Variants in CAMK2B observed in about 807,000 individuals in gnomAD.
CAMK2B encodes calcium/calmodulin-dependent protein kinase type II subunit beta.
In CAMK2B, 27 loss-of-function variants were observed where a neutral mutation model predicts 93.7. That is an observed-to-expected ratio of 0.29 (90% CI 0.21 to 0.40). CAMK2B has a LOEUF of 0.40. Among genes scored for constraint, CAMK2B ranks in the 10% least tolerant of loss-of-function variants. CAMK2B has a pLI of 1.00. For missense variants in CAMK2B, 568 were observed against 895.8 expected (o/e 0.63, Z 4.67); for synonymous variants, 374 against 358.8 (o/e 1.04, Z -0.48).
chr7:44,307,479 G>A (rs1194096318), intron 1 of CAMK2B, among the ~76,000 whole-genome samples: 1 of 151,918 alleles, frequency 6.6e-6, no homozygotes, highest in Non-Finnish European at 1.5e-5. Flanking sequence ...GGTTTCAGGA[G>A]GCTCAGCCTG....
chr7:44,240,113 C>G (rs2096662921), intron 12 of CAMK2B, among the ~76,000 whole-genome samples: 1 of 151,168 alleles, frequency 6.6e-6, no homozygotes. Flanking sequence ...TACAGCTTGT[C>G]CAGACCTGGG....
intron 2 of CAMK2B, among the ~76,000 whole-genome samples, chr7:44,275,033 G>A (rs930199698): frequency 3.3e-5 from 5 of 152,212 alleles, no homozygotes; most frequent in East Asian, 1.9e-4. Flanking sequence ...CCCCTCTGCC[G>A]GGAGCCTTTT....
intron 2 of CAMK2B, among the ~76,000 whole-genome samples, chr7:44,264,934 A>T (rs2096910500): frequency 6.6e-6 from 1 of 152,114 alleles, no homozygotes; most frequent in Non-Finnish European, 1.5e-5. Flanking sequence ...GGAGGGGTCC[A>T]TGCACAAGGC....
chr7:44,250,471 C>T (rs1168443489), intron 5 of CAMK2B, among the ~76,000 whole-genome samples: 11 of 152,050 alleles, frequency 7.2e-5, no homozygotes, highest in Admixed American at 3.3e-4. Context: ...CCTCCCCCTC[C>T]GCAGACAGTC....
In CAMK2B at chr7:44,312,963, G is replaced by A. The variant is rs1793938890; in HGVS notation, c.65+12394C>T. On this transcript the variant is annotated intron_variant, in intron 1 of 23. Transcript: ENST00000395749. The surrounding 1 kb of genome is among the most constrained non-coding windows in gnomAD (Gnocchi z 4.1). Reference sequence around the variant, plus strand: ...GGGTGGTGGTAGGCAGTGGGCCCAGGACAGCTGGGTCCCCAGCTCTGTCGA... The same window carrying A: ...GGGTGGTGGTAGGCAGTGGGCCCAGAACAGCTGGGTCCCCAGCTCTGTCGA... Among the ~76,000 whole-genome samples the A allele has an allele frequency of 1.3e-5, 2 of 152,116 alleles. No homozygotes were observed. The highest frequency in any genetic ancestry group is 4.8e-5 in the African/African-American group (2 of 41,400).
intron 1 of CAMK2B, among the ~76,000 whole-genome samples, chr7:44,315,541 T>C (rs1176058408): frequency 2.0e-5 from 3 of 152,242 alleles, no homozygotes; most frequent in African/African-American, 7.2e-5. Flanking sequence ...TTTTCAAGAT[T>C]GTTTTAGCTA....
intron 23 of CAMK2B, 29 bp from the exon 24 acceptor site, chr7:44,219,551 C>CA (rs2096372060): frequency 6.4e-6 from 1 of 155,444 alleles, no homozygotes; most frequent in Admixed American, 6.5e-5. Context: ...GTCAGCTCCT[C>CA]AGCAGCCCCC....
chr7:44,220,969 C>A (rs980472150), intron 20 of CAMK2B, 68 bp from the exon 21 acceptor site: 8 of 1,359,746 alleles, frequency 5.9e-6, no homozygotes, highest in Non-Finnish European at 8.2e-6. Context: ...TCCACACAGC[C>A]CAGGGGAGGG....
chr7:44,282,604 G>T (rs1032528536), intron 2 of CAMK2B, among the ~76,000 whole-genome samples: 2 of 152,366 alleles, frequency 1.3e-5, no homozygotes, highest in East Asian at 1.9e-4. Flanking sequence ...ACAGGAGCAG[G>T]TCCCACTGCA....
intron 2 of CAMK2B, among the ~76,000 whole-genome samples, chr7:44,272,743 G>T (rs141706959): frequency 1.3e-5 from 2 of 152,240 alleles, no homozygotes; most frequent in Non-Finnish European, 2.9e-5. Context: ...AGTGGCTGCA[G>T]TAGGGCCACT....
intron 5 of CAMK2B, among the ~76,000 whole-genome samples, chr7:44,249,749 T>G (rs906638534): frequency 6.6e-6 from 1 of 152,146 alleles, no homozygotes; most frequent in Non-Finnish European, 1.5e-5. Context: ...GGGCGAGAGT[T>G]GAACCTTCCT....
At chr7:44,227,788 GA>G (rs1267240868) in intron 19 of CAMK2B, among the ~76,000 whole-genome samples, 9 of 85,792 alleles carry the variant, frequency 1.0e-4, no homozygotes, top group African/African-American at 2.4e-4. Flanking sequence ...GGGGACAGAG[GA>G]GGGTGTGGGG....
intron 6 of CAMK2B, 146 bp from the exon 7 acceptor site, chr7:44,243,673 A>G: frequency 1.5e-6 from 1 of 656,454 alleles, no homozygotes; most frequent in South Asian, 1.8e-5. Context: ...TGGTGTCTGC[A>G]GGGCATGGCT....
chr7:44,320,091 CTGTGTG>C (rs1795725021), intron 1 of CAMK2B, among the ~76,000 whole-genome samples: 1 of 151,998 alleles, frequency 6.6e-6, no homozygotes, highest in Non-Finnish European at 1.5e-5. Context: ...GTGTATGTGT[CTGTGTG>C]TGTTTTACAA....
At chr7:44,268,410 C>A (rs2096939622) in intron 2 of CAMK2B, among the ~76,000 whole-genome samples, 1 of 152,204 alleles carries the variant, frequency 6.6e-6, no homozygotes, top group Non-Finnish European at 1.5e-5. Flanking sequence ...GAAGGGGAGA[C>A]AACGCCACGC....
At chr7:44,273,753 G>A (rs932582555) in intron 2 of CAMK2B, among the ~76,000 whole-genome samples, 2 of 152,180 alleles carry the variant, frequency 1.3e-5, no homozygotes, top group Admixed American at 6.5e-5. Context: ...GTGGCCTTAT[G>A]TCCAGCCTCA....
chr7:44,221,620 C>T (rs149077662), intron 20 of CAMK2B, among the ~76,000 whole-genome samples: 32 of 152,354 alleles, frequency 2.1e-4, no homozygotes, highest in Non-Finnish European at 3.1e-4. Context: ...GCTCCACCTG[C>T]TTGCAGTCCG....
chr7:44,312,679 G>A lies in CAMK2B; in HGVS notation c.65+12678C>T, dbSNP rs1449875447. Among the ~76,000 whole-genome samples, 1 of 152,186 alleles carries A rather than the reference G, an allele frequency of 6.6e-6. No homozygotes were observed. Among genetic ancestry groups the A allele is most frequent in the Non-Finnish European group, 1.5e-5 (1 of 68,028 alleles). The stretch of plus-strand genomic sequence containing the variant: ...AGAAAAAGAGAGGGAGAGAAACAGA[G>A]AGACAGAGGAGACAGAGAAAGAGTA... On this transcript the variant is annotated intron_variant, in intron 1 of 23. Transcript: ENST00000395749. The surrounding 1 kb of genome is among the most constrained non-coding windows in gnomAD (Gnocchi z 4.1).
chr7:44,307,173 G>A (rs1261812663), intron 1 of CAMK2B, among the ~76,000 whole-genome samples: 3 of 135,412 alleles, frequency 2.2e-5, no homozygotes, highest in East Asian at 2.3e-4. Context: ...GTGAGCAGAG[G>A]GAGGAGGGTG....
Sources: allele counts gnomAD v4.1 joint callset (sites outside exome capture counted in the v4.1 genomes callset), GRCh38; gene constraint gnomAD v4.1.1; non-coding constraint Gnocchi (gnomAD v3.1); transcripts MANE v1.5; gene names NCBI Gene and HGNC (gene_info 2026-07-23, HGNC 2026-07-21).